Variants in NELFB observed in about 807,000 individuals in gnomAD.
NELFB encodes the protein negative elongation factor B.
In NELFB, 34 loss-of-function variants were observed where a neutral mutation model predicts 60.2. The ratio of observed to expected loss-of-function variants is 0.56; its 90% CI spans 0.43 to 0.75. The LOEUF (loss-of-function observed/expected upper bound fraction) is 0.75. NELFB is among the 30% of genes least tolerant of loss of function. NELFB has a pLI of 0.00. For synonymous variants in NELFB, 459 were observed against 382.1 expected (o/e 1.20, Z -2.35); for missense variants, 770 against 831.6 (o/e 0.93, Z 0.91).
Position 137,265,886 on chromosome 9 carries a change from C to T in NELFB, c.1050C>T (p.Ser350=), listed in dbSNP as rs199666879. 39 of 1,612,288 alleles carry T rather than the reference C, an allele frequency of 2.4e-5. No individual in the cohort carries two copies. The African/African-American group carries it at 2.5e-4, about 10-fold the overall frequency. The stretch of plus-strand genomic sequence containing the variant: ...GGCGGCCTCCTTCCAGGGACCTGTC[C>T]ATGATCCTGTGTGACCCCTTCGCCA... Residue 350 remains serine, a synonymous_variant, in exon 7 of 13, where the codon TCC becomes TCT. Coordinates refer to ENST00000343053, the MANE Select transcript of NELFB (RefSeq NM_015456.5).
chr9:137,255,893 C>T lies in NELFB; in HGVS notation c.247-14C>T, dbSNP rs1285909333. 1.2e-6 allele frequency: 2 copies of T among 1,612,586 alleles called. No homozygotes were observed. The highest frequency in any genetic ancestry group is 1.7e-6 in the Non-Finnish European group (2 of 1,179,044). Reference sequence around the variant, plus strand: ...GCACTGGGCTGCGTTTGAGGTTTCTCTTGGCTTCCTCAGACAGAGAATGGT... The same window carrying T: ...GCACTGGGCTGCGTTTGAGGTTTCTTTTGGCTTCCTCAGACAGAGAATGGT... On this transcript the variant is annotated splice_polypyrimidine_tract_variant and intron_variant, in intron 1 of 12. Transcript: ENST00000343053.
chr9:137,271,028 G>C (rs1441362260), intron 10 of NELFB, among the ~76,000 whole-genome samples: 1 of 152,276 alleles, frequency 6.6e-6, no homozygotes, highest in African/African-American at 2.4e-5. Flanking sequence ...CGCTTCTCCA[G>C]GTGTCTCCTG....
rs1191803600 is a variant in NELFB at position 137,266,324 on chromosome 9, C to G, written c.1144-7C>G. On this transcript the variant is annotated splice_polypyrimidine_tract_variant and splice_region_variant and intron_variant, in intron 7 of 12. Coordinates refer to ENST00000343053, the MANE Select transcript of NELFB (RefSeq NM_015456.5). ...TGGGAGAGGCGCTGAGCCCGTCCTC[C>G]CTACAGGACAGCCCCGACCTCCTGC... 1 of 1,610,892 alleles carries G rather than the reference C, an allele frequency of 6.2e-7. No homozygotes were observed. Among genetic ancestry groups the G allele is most frequent in the African/African-American group, 1.3e-5 (1 of 74,894 alleles).
At chr9:137,259,710 TA>T (rs1393310488) in intron 4 of NELFB, among the ~76,000 whole-genome samples, 3 of 150,892 alleles carry the variant, frequency 2.0e-5, no homozygotes, top group Non-Finnish European at 4.4e-5. Context: ...ATTTATTTTT[TA>T]TTTTTTTATT....
Position 137,272,625 on chromosome 9 carries a change from C to T in NELFB, c.1740+10C>T, listed in dbSNP as rs772357277. ...GGAGCCTACAGGCCAGGTGGGTGCC[C>T]GGGGGGGCTGCATCTGAAGGCACCT... On this transcript the variant is annotated intron_variant, in intron 12 of 12. Transcript: ENST00000343053. 2.5e-4 allele frequency: 396 copies of T among 1,577,146 alleles called. No individual in the cohort carries two copies. Among genetic ancestry groups the T allele is most frequent in the Non-Finnish European group, 3.1e-4 (360 of 1,161,742 alleles).
intron 3 of NELFB, 48 bp from the exon 4 acceptor site, chr9:137,256,776 A>G: frequency 6.3e-7 from 1 of 1,580,066 alleles, no homozygotes; most frequent in African/African-American, 1.4e-5. Flanking sequence ...CTTGAAGGAG[A>G]CCCAGGGACA....
Position 137,255,927 on chromosome 9 carries a change from G to A in NELFB, c.267G>A (p.Leu89=), listed in dbSNP as rs754967234. ...CTCAGACAGAGAATGGTGTGCTGCT[G>A]CCATCTCTTCAGTCAGCCCTCCCCT... The change falls in exon 2 of 13, where the codon CTG becomes CTA. Residue 89 remains leucine (L), a synonymous_variant. Coordinates refer to ENST00000343053, the MANE Select transcript of NELFB (RefSeq NM_015456.5). 6.2e-7 allele frequency: 1 copy of A among 1,614,040 alleles called. No homozygotes were observed. Among genetic ancestry groups the A allele is most frequent in the Non-Finnish European group, 8.5e-7 (1 of 1,180,022 alleles).
At chr9:137,272,343 C>G in intron 11 of NELFB, 121 bp downstream of exon 11, 1 of 1,508,290 alleles carries the variant, frequency 6.6e-7, no homozygotes, top group Non-Finnish European at 9.0e-7. Flanking sequence ...CTGTTGGGCA[C>G]CAGGGCTCGC....
chr9:137,260,753 C>T (rs538004883), intron 4 of NELFB, among the ~76,000 whole-genome samples: 13 of 151,592 alleles, frequency 8.6e-5, no homozygotes, highest in Non-Finnish European at 1.5e-4. Context: ...GTGCCCAGCC[C>T]GATTCTCTTT....
chr9:137,261,331 C>T (rs142526308), intron 4 of NELFB, among the ~76,000 whole-genome samples: 14,982 of 130,706 alleles, frequency 0.11, 1,105 homozygotes, highest in Middle Eastern at 0.17. Flanking sequence ...CAGAGCACGA[C>T]TCGGTTTCAA....
At chr9:137,272,345 A>G (rs1830593953) in intron 11 of NELFB, 123 bp downstream of exon 11, 2 of 1,508,532 alleles carry the variant, frequency 1.3e-6, no homozygotes, top group African/African-American at 2.7e-5. Context: ...GTTGGGCACC[A>G]GGGCTCGCAT....
At chr9:137,258,478 T>C (rs1373329991) in intron 4 of NELFB, among the ~76,000 whole-genome samples, 1 of 150,934 alleles carries the variant, frequency 6.6e-6, no homozygotes, top group Non-Finnish European at 1.5e-5. Context: ...AGACAGAGTC[T>C]TGCTCTGTCA....
intron 8 of NELFB, 55 bp downstream of exon 8, chr9:137,266,481 A>C (rs1406931593): frequency 6.8e-7 from 1 of 1,479,238 alleles, no homozygotes; most frequent in African/African-American, 1.4e-5. Flanking sequence ...GTGGGCTGGA[A>C]GTGGGGTGGA....
At chr9:137,266,141 G>A (rs1218554109) in intron 7 of NELFB, among the ~76,000 whole-genome samples, 162 bp downstream of exon 7, 1 of 152,284 alleles carries the variant, frequency 6.6e-6, no homozygotes, top group Non-Finnish European at 1.5e-5. Context: ...GGACTGCAGT[G>A]GCCCAGGTAG....
Position 137,273,171 on chromosome 9 carries a change from G to A in NELFB, c.*243G>A, listed in dbSNP as rs1298814273. The stretch of plus-strand genomic sequence containing the variant: ...TTGTACTTTGGCAGCCATAGAAAGC[G>A]TGCTCATTTTCTGTTTTCCTGTGTT... On this transcript the variant is annotated 3_prime_UTR_variant, in exon 13 of 13. Transcript: ENST00000343053. The A allele has an allele frequency of 4.3e-5, 18 of 422,890 alleles. No homozygotes were observed. Among genetic ancestry groups the A allele is most frequent in the South Asian group, 7.0e-5 (1 of 14,218 alleles). 26.2% of individuals were successfully genotyped at this position (422,890 alleles called of 1,614,324 possible).
chr9:137,266,317 C>T lies in NELFB; in HGVS notation c.1144-14C>T, dbSNP rs755276042. 23 of 1,607,726 alleles carry T rather than the reference C, an allele frequency of 1.4e-5. No homozygotes were observed. The highest frequency in any genetic ancestry group is 2.2e-5 in the South Asian group (2 of 90,836). ...AGCTGCCTGGGAGAGGCGCTGAGCC[C>T]GTCCTCCCTACAGGACAGCCCCGAC... On this transcript the variant is annotated splice_polypyrimidine_tract_variant and intron_variant, in intron 7 of 12. Transcript: ENST00000343053.
intron 4 of NELFB, among the ~76,000 whole-genome samples, chr9:137,260,986 G>A (rs1278219976): frequency 2.6e-5 from 4 of 151,614 alleles, no homozygotes; most frequent in Non-Finnish European, 4.4e-5. Flanking sequence ...TTGAACCCGG[G>A]AGGTGGAGGT....
At chr9:137,268,449 G>A (rs1294261951) in intron 10 of NELFB, among the ~76,000 whole-genome samples, 1 of 152,198 alleles carries the variant, frequency 6.6e-6, no homozygotes, top group African/African-American at 2.4e-5. Flanking sequence ...GGTTGGGCAT[G>A]GTGGTGGGTG....
intron 4 of NELFB, among the ~76,000 whole-genome samples, chr9:137,261,315 G>A (rs1290945591): frequency 6.7e-6 from 1 of 148,630 alleles, no homozygotes; most frequent in Non-Finnish European, 1.5e-5. Flanking sequence ...ACTCCAGCCT[G>A]GGTAACAGAG....
Sources: allele counts gnomAD v4.1 joint callset (sites outside exome capture counted in the v4.1 genomes callset), GRCh38; gene constraint gnomAD v4.1.1; transcripts MANE v1.5; gene names NCBI Gene and HGNC (gene_info 2026-07-23, HGNC 2026-07-21).